TES: variants seen among roughly 807,000 people sequenced by gnomAD.
TES encodes testin.
Under a neutral mutation model 48.2 loss-of-function variants are expected in TES, and 41 were observed. The ratio of observed to expected loss-of-function variants is 0.85; its 90% CI spans 0.66 to 1.10. The LOEUF is 1.10. Ranked by LOEUF, TES falls within the 50% of genes least tolerant of loss-of-function variation. The probability of loss-of-function intolerance (pLI) is 0.00; values close to 1 mark genes in which losing one functional copy is unlikely to be tolerated. For missense variants in TES, 463 were observed against 515.1 expected, an observed-to-expected ratio of 0.90 and a Z score of 0.98; for synonymous variants, 162 against 174.9, an observed-to-expected ratio of 0.93 and a Z score of 0.58.
At chr7:116,255,465 T>C (rs1018789255) in intron 6 of TES, among the ~76,000 whole-genome samples, 62 of 152,344 alleles carry the variant, frequency 4.1e-4, no homozygotes, top group African/African-American at 1.4e-3. Flanking sequence ...TTTGAATGAA[T>C]GGTAATCAAA....
intron 2 of TES, among the ~76,000 whole-genome samples, chr7:116,239,809 C>T (rs898643432): frequency 6.6e-6 from 1 of 152,152 alleles, no homozygotes; most frequent in African/African-American, 2.4e-5. Context: ...GGAATGCTTT[C>T]AAGTAATATA....
At position 116,250,297 on chromosome 7, in the gene TES, C is replaced by G; in HGVS notation, c.503C>G (p.Ser168Cys). The G allele has an allele frequency of 6.2e-7, 1 of 1,613,872 alleles. No individual in the cohort carries two copies. The highest frequency in any genetic ancestry group is 8.5e-7 in the Non-Finnish European group (1 of 1,179,890). The part of the protein sequence containing the change: ...DQDPSKCHEL[S>C]PREVKEMEQF... ...GACCCTTCAAAGTGCCATGAGTTGT[C>G]TCCCAGAGAGGTGAAGGAGATGGAG... Residue 168 changes from serine (S) to cysteine (C), a missense_variant, in exon 4 of 7, where the codon TCT becomes TGT. Physicochemically the swap from Ser to Cys is moderately radical, Grantham distance 112 (BLOSUM62 -1). Coordinates refer to ENST00000358204, the MANE Select transcript of TES (RefSeq NM_015641.4).
chr7:116,228,481 G>T (rs1047905606), intron 1 of TES, among the ~76,000 whole-genome samples: 1 of 152,104 alleles, frequency 6.6e-6, no homozygotes, highest in African/African-American at 2.4e-5. Flanking sequence ...AGACTTGTGC[G>T]CTTATGAAAA....
At chr7:116,251,543 C>T (rs547391858) in intron 4 of TES, 7 of 490,292 alleles carry the variant, frequency 1.4e-5, no homozygotes, top group Non-Finnish European at 2.2e-5. Flanking sequence ...ATTAGCCGGG[C>T]GTGGTGGCAG....
intron 2 of TES, among the ~76,000 whole-genome samples, chr7:116,246,172 T>G (rs1799920902): frequency 6.6e-6 from 1 of 152,162 alleles, no homozygotes; most frequent in Admixed American, 6.5e-5. Flanking sequence ...AGACCTCAAA[T>G]TTCTTCCTTT....
chr7:116,252,539 C>T, intron 6 of TES, 63 bp downstream of exon 6: 1 of 1,609,320 alleles, frequency 6.2e-7, no homozygotes, highest in Non-Finnish European at 8.5e-7. Flanking sequence ...TTATGCTTTT[C>T]TTAAAGCCTC....
In TES at chr7:116,250,396, A is replaced by G. The variant is rs766071093; in HGVS notation, c.602A>G (p.Gln201Arg). The G allele has an allele frequency of 3.7e-6, 6 of 1,613,824 alleles. No individual in the cohort carries two copies. In the South Asian group the frequency reaches 6.6e-5, roughly 18 times the overall value. The change falls in exon 4 of 7, where the codon CAA (glutamine) becomes CGA (arginine). Residue 201 changes from glutamine (Q) to arginine (R), a missense_variant. Physicochemically the swap from Gln to Arg is conservative, Grantham distance 43. Coordinates refer to ENST00000358204, the MANE Select transcript of TES (RefSeq NM_015641.4). The stretch of plus-strand genomic sequence containing the variant: ...AAACTTCCCTGTGAGATGGATGCCC[A>G]AGGCCCCAAACAAATGAACATTCCT... ...DVKLPCEMDAQGPKQMNIPGG... is the reference protein window; with the variant it reads ...DVKLPCEMDARGPKQMNIPGG...
At chr7:116,220,794 C>A (rs889452147) in intron 1 of TES, among the ~76,000 whole-genome samples, 4 of 152,126 alleles carry the variant, frequency 2.6e-5, no homozygotes, top group African/African-American at 9.7e-5. Context: ...CTACTTAGCC[C>A]TGTAAACCTT....
chr7:116,257,264 A>G, intron 6 of TES, 30 bp from the exon 7 acceptor site: 1 of 1,557,068 alleles, frequency 6.4e-7, no homozygotes, highest in East Asian at 2.3e-5. Flanking sequence ...TTGATCTCTC[A>G]CCCTCTTCTC....
chr7:116,218,899 A>G (rs1362568006), intron 1 of TES, among the ~76,000 whole-genome samples: 1 of 152,166 alleles, frequency 6.6e-6, no homozygotes, highest in Non-Finnish European at 1.5e-5. Context: ...TACAGGGCCA[A>G]TTAAAAAAAT....
At chr7:116,241,358 C>T (rs927594140) in intron 2 of TES, among the ~76,000 whole-genome samples, 1 of 152,154 alleles carries the variant, frequency 6.6e-6, no homozygotes, top group Non-Finnish European at 1.5e-5. Context: ...CAATAGATAG[C>T]TCCTGGCACC....
At chr7:116,234,492 A>G (rs369169660) in intron 1 of TES, 42 bp from the exon 2 acceptor site, 12 of 1,518,694 alleles carry the variant, frequency 7.9e-6, no homozygotes, top group Non-Finnish European at 1.0e-5. Context: ...TTAGATTTGT[A>G]AAGAATCTAA....
At chr7:116,211,816 G>A (rs1799442377) in intron 1 of TES, among the ~76,000 whole-genome samples, 1 of 152,000 alleles carries the variant, frequency 6.6e-6, no homozygotes, top group African/African-American at 2.4e-5. Context: ...TTTGAAAATG[G>A]ATACAAAATA....
At chr7:116,210,756 G>T in intron 1 of TES, 22 bp downstream of exon 1, 1 of 1,239,414 alleles carries the variant, frequency 8.1e-7, no homozygotes, top group Middle Eastern at 2.2e-4. Flanking sequence ...CTCGTGGCGG[G>T]CGGCGGCTGC....
At chr7:116,219,922 C>T (rs1799537472) in intron 1 of TES, among the ~76,000 whole-genome samples, 1 of 152,086 alleles carries the variant, frequency 6.6e-6, no homozygotes, top group South Asian at 2.1e-4. Context: ...GTATCCCTTA[C>T]TTGATATTTA....
intron 1 of TES, among the ~76,000 whole-genome samples, chr7:116,229,033 T>TATATATATATATATATATA (rs1417517023): frequency 6.9e-5 from 8 of 115,490 alleles, no homozygotes; most frequent in African/African-American, 1.7e-4. Flanking sequence ...TATATATATA[T>TATATATATATATATATATA]AATCATTTCC....
intron 1 of TES, chr7:116,223,175 T>A (rs866139351): frequency 9.7e-6 from 2 of 206,552 alleles, no homozygotes; most frequent in Admixed American, 6.5e-5. Context: ...TACAAACCTT[T>A]TTTATTTTTT....
intron 4 of TES, 87 bp downstream of exon 4, chr7:116,250,583 C>T: frequency 9.6e-7 from 1 of 1,037,326 alleles, no homozygotes; most frequent in Non-Finnish European, 1.3e-6. Context: ...GGGACTATTC[C>T]TCTGAGTTTC....
intron 1 of TES, among the ~76,000 whole-genome samples, chr7:116,219,141 A>G (rs960437776): frequency 1.3e-5 from 2 of 152,172 alleles, no homozygotes; most frequent in African/African-American, 4.8e-5. Flanking sequence ...AACACCTCCT[A>G]TAGAATAAAG....
Sources: allele counts gnomAD v4.1 joint callset (sites outside exome capture counted in the v4.1 genomes callset), GRCh38; gene constraint gnomAD v4.1.1; transcripts MANE v1.5; gene names NCBI Gene and HGNC (gene_info 2026-07-23, HGNC 2026-07-21).